The following IGSF9B variants were observed in gnomAD, a reference collection of about 807,000 sequenced individuals.
The protein encoded by IGSF9B is protein turtle homolog B.
IGSF9B carries 48 observed loss-of-function variants against 143.7 expected under a neutral mutation model. That is an observed-to-expected ratio of 0.33 (90% CI 0.26 to 0.42). The LOEUF (loss-of-function observed/expected upper bound fraction) is 0.42, where lower values mean the gene tolerates loss of function less well. IGSF9B is among the 20% of genes least tolerant of loss of function. The probability of loss-of-function intolerance (pLI) is 1.00; values close to 1 mark genes in which losing one functional copy is unlikely to be tolerated. For missense variants in IGSF9B, 1,706 were observed against 1,980.0 expected (o/e 0.86, Z 2.63); for synonymous variants, 903 against 833.1 (o/e 1.08, Z -1.44).
Position 133,903,494 on chromosome 11 carries a change from C to T in IGSF9B, c.*5575G>A, listed in dbSNP as rs772229599. Reference sequence around the variant, plus strand: ...TGATTTTAATGACTGGCCACTGTTCCACCAGAGTATATGGCAACCAAGATA... The same window carrying T: ...TGATTTTAATGACTGGCCACTGTTCTACCAGAGTATATGGCAACCAAGATA... On this transcript the variant is annotated 3_prime_UTR_variant, in exon 20 of 20. Coordinates refer to ENST00000533871, the MANE Select transcript of IGSF9B (RefSeq NM_001277285.4). 2.0e-5 allele frequency among the ~76,000 whole-genome samples: 3 copies of T among 152,176 alleles called. No homozygotes were observed. Among genetic ancestry groups the T allele is most frequent in the Non-Finnish European group, 4.4e-5 (3 of 68,038 alleles).
chr11:133,943,649 C>T (rs1939992429), intron 3 of IGSF9B, among the ~76,000 whole-genome samples: 1 of 152,176 alleles, frequency 6.6e-6, no homozygotes, highest in Admixed American at 6.5e-5. Context: ...TCCCAGGATG[C>T]CTGCATTTTA....
Position 133,920,238 on chromosome 11 carries a change from T to C in IGSF9B, c.3487A>G (p.Thr1163Ala). The C allele has an allele frequency of 6.6e-7, 1 of 1,516,840 alleles. No homozygotes were observed. The highest frequency in any genetic ancestry group is 8.8e-7 in the Non-Finnish European group (1 of 1,132,318). The allele number at this position is 1,516,840 out of a possible 1,614,324, so 94.0% of individuals were successfully genotyped here. A position where few individuals can be genotyped will look rare whatever the true frequency, so the allele number is the denominator to read the frequency against. ...AEPGAHGGPSTFGLDTRWYEP... is the reference protein window; with the variant it reads ...AEPGAHGGPSAFGLDTRWYEP... The stretch of plus-strand genomic sequence containing the variant: ...TACCACCGGGTGTCCAGGCCAAATG[T>C]GCTGGGGCCGCCGTGCGCCCCCGGC... The change falls in exon 18 of 20, where the codon ACA becomes GCA. Residue 1163 changes from threonine to alanine, a missense_variant. By Grantham distance (58) the Thr-to-Ala change is moderately conservative. Coordinates refer to ENST00000533871, the MANE Select transcript of IGSF9B (RefSeq NM_001277285.4).
chr11:133,952,277 A>G (rs1422864554), intron 1 of IGSF9B: 1 of 337,422 alleles, frequency 3.0e-6, no homozygotes, highest in Non-Finnish European at 5.9e-6. Context: ...ATCCAACCCC[A>G]GAGTCCTCTG....
intron 15 of IGSF9B, among the ~76,000 whole-genome samples, chr11:133,924,012 G>C (rs1939584128): frequency 6.6e-6 from 1 of 152,054 alleles, no homozygotes; most frequent in Non-Finnish European, 1.5e-5. Context: ...AGCAGAAATT[G>C]CACTCCACAC....
intron 18 of IGSF9B, chr11:133,912,329 G>C (rs1004475863): frequency 6.7e-5 from 34 of 508,856 alleles, no homozygotes; most frequent in Non-Finnish European, 1.1e-4. Flanking sequence ...TGCATTTAGT[G>C]TCAGAGACAG....
intron 15 of IGSF9B, among the ~76,000 whole-genome samples, chr11:133,923,671 G>C (rs1939579466): frequency 6.6e-6 from 1 of 152,248 alleles, no homozygotes; most frequent in Non-Finnish European, 1.5e-5. Context: ...GATGCTGATT[G>C]TCTGAGGGGA....
rs1312247568 is a variant in IGSF9B at position 133,902,592 on chromosome 11, C to T, written c.*6477G>A. Among the ~76,000 whole-genome samples, 2 of 151,614 alleles carry T rather than the reference C, an allele frequency of 1.3e-5. No homozygotes were observed. Among genetic ancestry groups the T allele is most frequent in the East Asian group, 3.9e-4 (2 of 5,178 alleles). On this transcript the variant is annotated 3_prime_UTR_variant, in exon 20 of 20. Transcript: ENST00000533871. Reference sequence around the variant, plus strand: ...CCCACACACACACACACACACCCCACTTACTTCCTGAATCCAGAAAAGAAA... The same window carrying T: ...CCCACACACACACACACACACCCCATTTACTTCCTGAATCCAGAAAAGAAA...
Position 133,931,850 on chromosome 11 carries a change from T to C in IGSF9B, c.1111-55A>G, listed in dbSNP as rs1939736785. 1 of 1,592,822 alleles carries C rather than the reference T, an allele frequency of 6.3e-7. No homozygotes were observed. Among genetic ancestry groups the C allele is most frequent in the Non-Finnish European group, 8.5e-7 (1 of 1,173,010 alleles). ...CGCTGGTCAGAGACTCCGCGCTCCA[T>C]CCCAGGCTGGGTCCCAGCTGGGCCA... On this transcript the variant is annotated intron_variant, in intron 8 of 19. Transcript: ENST00000533871. This position sits in a 1 kb window ranked among gnomAD's most constrained non-coding sequence, Gnocchi z 7.7.
chr11:133,921,591 C>G (rs1249427846), intron 17 of IGSF9B, among the ~76,000 whole-genome samples, 194 bp from the exon 18 acceptor site: 1 of 151,800 alleles, frequency 6.6e-6, no homozygotes, highest in Admixed American at 6.6e-5. Context: ...TTTTTAAAGA[C>G]GGGGTCTTGC....
At chr11:133,951,176 G>A (rs1338901730) in intron 1 of IGSF9B, among the ~76,000 whole-genome samples, 1 of 152,180 alleles carries the variant, frequency 6.6e-6, no homozygotes, top group Non-Finnish European at 1.5e-5. Context: ...GGACGAGGCG[G>A]CGGGGGAGAG....
At chr11:133,912,331 CAG>C (rs1294853436) in intron 18 of IGSF9B, 1 of 508,166 alleles carries the variant, frequency 2.0e-6, no homozygotes, top group South Asian at 1.5e-5. Flanking sequence ...CATTTAGTGT[CAG>C]AGACAGAAGT....
At position 133,953,244 on chromosome 11, in the gene IGSF9B, G is replaced by A. The variant is rs1940195281; in HGVS notation, c.64+3447C>T. On this transcript the variant is annotated intron_variant, in intron 1 of 19. Transcript: ENST00000533871. The surrounding 1 kb of genome is among the most constrained non-coding windows in gnomAD (Gnocchi z 4.2). ...AGCCATAAACACGAAACCACTCAAGGTCTATCTAGGACCCTGCAACTCCAG... is the reference window on the plus strand; with the variant it reads ...AGCCATAAACACGAAACCACTCAAGATCTATCTAGGACCCTGCAACTCCAG... Among the ~76,000 whole-genome samples, 1 of 152,088 alleles carries A rather than the reference G, an allele frequency of 6.6e-6. No individual in the cohort carries two copies. Among genetic ancestry groups the A allele is most frequent in the Non-Finnish European group, 1.5e-5 (1 of 68,020 alleles).
intron 7 of IGSF9B, among the ~76,000 whole-genome samples, chr11:133,935,375 G>A (rs781339728): frequency 1.3e-5 from 2 of 152,238 alleles, no homozygotes; most frequent in South Asian, 2.1e-4. Context: ...CAGCCTGCAC[G>A]GAGCTGATGA....
At chr11:133,923,485 G>C (rs1939576806) in intron 15 of IGSF9B, among the ~76,000 whole-genome samples, 1 of 152,164 alleles carries the variant, frequency 6.6e-6, no homozygotes, top group African/African-American at 2.4e-5. Flanking sequence ...AGTCTACAGA[G>C]CTCGTTATGA....
chr11:133,953,580 T>A lies in IGSF9B; in HGVS notation c.64+3111A>T, dbSNP rs1940201588. Among the ~76,000 whole-genome samples, 1 of 152,160 alleles carries A rather than the reference T, an allele frequency of 6.6e-6. No homozygotes were observed. The highest frequency in any genetic ancestry group is 6.5e-5 in the Admixed American group (1 of 15,284). ...GCATAGGTCAAGGCCAGGTAGAAAG[T>A]AGAGGGCAATGGCCCAACTACCAGC... On this transcript the variant is annotated intron_variant, in intron 1 of 19. Transcript: ENST00000533871. The surrounding 1 kb of genome is among the most constrained non-coding windows in gnomAD (Gnocchi z 4.2).
Position 133,950,029 on chromosome 11 carries a change from A to G in IGSF9B, c.65-3771T>C, listed in dbSNP as rs1470593823. Among the ~76,000 whole-genome samples the G allele has an allele frequency of 8.5e-5, 13 of 152,274 alleles. No individual in the cohort carries two copies. In the East Asian group the frequency reaches 2.1e-3, roughly 25 times the overall value. ...GGCAAGGAAAGATAAGGCAGCCCCC[A>G]GAGGTCTGGCTGACCTTTTGGGAAG... is the stretch of plus-strand genomic sequence containing the variant. On this transcript the variant is annotated intron_variant, in intron 1 of 19. Transcript: ENST00000533871.
rs1233406114 is a variant in IGSF9B at position 133,928,914 on chromosome 11, G to C, written c.1631+757C>G. Among the ~76,000 whole-genome samples, 1 of 152,206 alleles carries C rather than the reference G, an allele frequency of 6.6e-6. No homozygotes were observed. On this transcript the variant is annotated intron_variant, in intron 12 of 19. Coordinates refer to ENST00000533871, the MANE Select transcript of IGSF9B (RefSeq NM_001277285.4). This position sits in a 1 kb window ranked among gnomAD's most constrained non-coding sequence, Gnocchi z 4.7. ...AGAAAATGCAGGGGCTGACCCCAAG[G>C]CTGGGAAGTGAGCATCACCTCTCCA...
In IGSF9B at chr11:133,931,394, C is replaced by T; in HGVS notation, c.1368+59G>A. On this transcript the variant is annotated intron_variant, in intron 10 of 19. Transcript: ENST00000533871. This position sits in a 1 kb window ranked among gnomAD's most constrained non-coding sequence, Gnocchi z 7.7. ...TGGGCCCTCAAACCTCCCCGCAGCC[C>T]CAGGGCTCCCTGGGCCCTCACACCT... The T allele has an allele frequency of 7.8e-7, 1 of 1,283,976 alleles. No homozygotes were observed. Among genetic ancestry groups the T allele is most frequent in the Admixed American group, 1.9e-5 (1 of 51,532 alleles). The allele number at this position is 1,283,976 out of a possible 1,614,324, so 79.5% of individuals were successfully genotyped here. A position where few individuals can be genotyped will look rare whatever the true frequency, so the allele number is the denominator to read the frequency against.
Position 133,905,266 on chromosome 11 carries a change from T to A in IGSF9B, c.*3803A>T, listed in dbSNP as rs1033888843. 1.3e-5 allele frequency among the ~76,000 whole-genome samples: 2 copies of A among 151,182 alleles called. No individual in the cohort carries two copies. The highest frequency in any genetic ancestry group is 4.9e-5 in the African/African-American group (2 of 41,018). The stretch of plus-strand genomic sequence containing the variant: ...CCCCACCCCCAAGCCTGGAAAAGGC[T>A]TTTGCTAACAAAATAGGAAGAAACA... On this transcript the variant is annotated 3_prime_UTR_variant, in exon 20 of 20. Transcript: ENST00000533871. This position sits in a 1 kb window ranked among gnomAD's most constrained non-coding sequence, Gnocchi z 4.0.
Sources: allele counts gnomAD v4.1 joint callset (sites outside exome capture counted in the v4.1 genomes callset), GRCh38; gene constraint gnomAD v4.1.1; non-coding constraint Gnocchi (gnomAD v3.1); transcripts MANE v1.5; gene names NCBI Gene and HGNC (gene_info 2026-07-23, HGNC 2026-07-21).